Variants in NXN observed in about 807,000 individuals in gnomAD.
NXN encodes nucleoredoxin 1.
A neutral mutation model predicts 48.6 loss-of-function variants in NXN; 16 were observed. The ratio of observed to expected loss-of-function variants is 0.33; its 90% confidence interval spans 0.22 to 0.50. The LOEUF is 0.50. NXN is among the 20% of genes least tolerant of loss of function. NXN has a pLI of 0.98. For synonymous variants in NXN, 281 were observed against 269.6 expected, an observed-to-expected ratio of 1.04 and a Z score of -0.41; for missense variants, 492 against 605.5, an observed-to-expected ratio of 0.81 and a Z score of 1.97.
intron 1 of NXN, among the ~76,000 whole-genome samples, chr17:856,922 T>C (rs2067992216): frequency 6.6e-6 from 1 of 152,278 alleles, no homozygotes; most frequent in Admixed American, 6.5e-5. Context: ...CAGGGCAACG[T>C]AGGCCTTTTC....
In NXN at chr17:979,242, G is replaced by A. The variant is rs577440774; in HGVS notation, c.360+77C>T. The A allele has an allele frequency of 7.1e-3, 7,466 of 1,057,330 alleles. 44 individuals carry two copies. The highest frequency in any genetic ancestry group is 8.1e-3 in the Non-Finnish European group (6,806 of 836,184). 65.5% of individuals were successfully genotyped at this position (1,057,330 alleles called of 1,614,324 possible). On this transcript the variant is annotated intron_variant, in intron 1 of 7. Transcript: ENST00000336868. ...GACAACGGGGTTGGCGGAGGGCAGG[G>A]GTAACGGGCGTGGGGGGCGGGCAGG...
At chr17:835,767 A>G (rs113683749) in intron 1 of NXN, among the ~76,000 whole-genome samples, 2,695 of 55,586 alleles carry the variant, frequency 0.048, 195 homozygotes, top group East Asian at 0.19. Flanking sequence ...CAGAGGCCGC[A>G]GGGGAAAAAC....
intron 1 of NXN, among the ~76,000 whole-genome samples, chr17:950,961 A>G (rs919099875): frequency 6.6e-6 from 1 of 152,064 alleles, no homozygotes; most frequent in East Asian, 1.9e-4. Flanking sequence ...CTGGAAGTCT[A>G]ACTAGTACAA....
rs2068730684 is a variant in NXN at position 920,095 on chromosome 17, T to C, written c.360+59224A>G. On this transcript the variant is annotated intron_variant, in intron 1 of 7. Coordinates refer to ENST00000336868, the MANE Select transcript of NXN (RefSeq NM_022463.5). The surrounding 1 kb of genome is among the most constrained non-coding windows in gnomAD (Gnocchi z 4.6). ...TTGTATTTTTGGTGGAGACAAGGTT[T>C]CGCCATGTTGCCCAGGCTGGTCTTG... Among the ~76,000 whole-genome samples the C allele has an allele frequency of 6.6e-6, 1 of 152,104 alleles. No individual in the cohort carries two copies. The highest frequency in any genetic ancestry group is 1.5e-5 in the Non-Finnish European group (1 of 68,016).
intron 2 of NXN, among the ~76,000 whole-genome samples, 173 bp from the exon 3 acceptor site, chr17:823,938 G>A (rs915712486): frequency 1.3e-5 from 2 of 151,934 alleles, no homozygotes; most frequent in Admixed American, 6.6e-5. Context: ...CACCTACAGC[G>A]TCTGCAGCTA....
At chr17:847,133 C>T (rs1447247319) in intron 1 of NXN, among the ~76,000 whole-genome samples, 3 of 152,050 alleles carry the variant, frequency 2.0e-5, no homozygotes, top group African/African-American at 4.8e-5. Flanking sequence ...TTTGTCATCT[C>T]GGCACCGTCC....
At chr17:853,321 G>A (rs535045868) in intron 1 of NXN, among the ~76,000 whole-genome samples, 3 of 152,072 alleles carry the variant, frequency 2.0e-5, no homozygotes, top group Admixed American at 6.5e-5. Flanking sequence ...GTGCACGCAC[G>A]CCTGTAGTCC....
chr17:947,516 T>A (rs1476410371), intron 1 of NXN, among the ~76,000 whole-genome samples: 1 of 151,894 alleles, frequency 6.6e-6, no homozygotes, highest in African/African-American at 2.4e-5. Context: ...GCGGATCACT[T>A]GAGGCCAGGA....
intron 2 of NXN, among the ~76,000 whole-genome samples, chr17:824,287 TC>T (rs1912980170): frequency 6.6e-6 from 1 of 152,188 alleles, no homozygotes; most frequent in East Asian, 1.9e-4. Context: ...GACCTCGTGA[TC>T]CACCCGCCTC....
chr17:812,170 G>C (rs11869832), intron 5 of NXN, among the ~76,000 whole-genome samples: 3,504 of 151,126 alleles, frequency 0.023, 125 homozygotes, highest in African/African-American at 0.077. Flanking sequence ...CTCGTGATCC[G>C]CCCGCCTCGG....
intron 1 of NXN, among the ~76,000 whole-genome samples, chr17:904,416 T>G (rs617555): frequency 0.77 from 117,805 of 152,008 alleles, 45,782 homozygotes; most frequent in East Asian, 0.87. Context: ...CCTTTCCCAG[T>G]GGCCTCTTTT....
chr17:871,529 C>T (rs1337027225), intron 1 of NXN, among the ~76,000 whole-genome samples: 3 of 151,446 alleles, frequency 2.0e-5, no homozygotes, highest in Non-Finnish European at 2.9e-5. Flanking sequence ...CTCAGCCTCC[C>T]GAGTAGCTGG....
chr17:805,871 C>A (rs933920745), intron 5 of NXN, among the ~76,000 whole-genome samples: 1 of 152,010 alleles, frequency 6.6e-6, no homozygotes, highest in Non-Finnish European at 1.5e-5. Flanking sequence ...GAACTTAGCA[C>A]AGGGTCATGG....
chr17:932,960 T>C lies in NXN; in HGVS notation c.360+46359A>G, dbSNP rs958905506. 6.6e-6 allele frequency among the ~76,000 whole-genome samples: 1 copy of C among 152,206 alleles called. No homozygotes were observed. Among genetic ancestry groups the C allele is most frequent in the Non-Finnish European group, 1.5e-5 (1 of 68,026 alleles). ...ACCGCGCCCAGCCCAGCCCGTCCTC[T>C]TGAACCTGCTCAGTTTCAGTCGTCA... is the stretch of plus-strand genomic sequence containing the variant. On this transcript the variant is annotated intron_variant, in intron 1 of 7. Transcript: ENST00000336868. The surrounding 1 kb of genome is among the most constrained non-coding windows in gnomAD (Gnocchi z 4.1).
intron 1 of NXN, among the ~76,000 whole-genome samples, chr17:962,171 G>A (rs1256801247): frequency 6.6e-6 from 1 of 152,056 alleles, no homozygotes; most frequent in African/African-American, 2.4e-5. Flanking sequence ...AGGAAAACGG[G>A]GGAGAGTTGT....
At chr17:887,104 T>C (rs2068356925) in intron 1 of NXN, among the ~76,000 whole-genome samples, 1 of 151,370 alleles carries the variant, frequency 6.6e-6, no homozygotes, top group Admixed American at 6.6e-5. Context: ...TCTGTAGAGA[T>C]GGGGGTCTCA....
At position 955,703 on chromosome 17, in the gene NXN, T is replaced by C. The variant is rs568538327; in HGVS notation, c.360+23616A>G. ...CAAGGTCAGGAGATTGAGACCATCC[T>C]GGCTAACACGGTGAAACCCTGTCTC... On this transcript the variant is annotated intron_variant, in intron 1 of 7. Transcript: ENST00000336868. 8.0e-5 allele frequency among the ~76,000 whole-genome samples: 12 copies of C among 150,624 alleles called. No homozygotes were observed. In the East Asian group the frequency reaches 1.8e-3, roughly 23 times the overall value.
intron 1 of NXN, among the ~76,000 whole-genome samples, chr17:843,619 A>AT (rs2067825941): frequency 1.3e-5 from 2 of 152,208 alleles, no homozygotes; most frequent in Non-Finnish European, 1.5e-5. Flanking sequence ...GGGAGTGAGG[A>AT]GCCAGCGTCG....
At chr17:819,729 C>G (rs1809941149) in intron 4 of NXN, among the ~76,000 whole-genome samples, 184 bp from the exon 5 acceptor site, 1 of 152,170 alleles carries the variant, frequency 6.6e-6, no homozygotes, top group African/African-American at 2.4e-5. Context: ...CACCAAGAAG[C>G]AAATGCCTCC....
Sources: allele counts gnomAD v4.1 joint callset (sites outside exome capture counted in the v4.1 genomes callset), GRCh38; gene constraint gnomAD v4.1.1; non-coding constraint Gnocchi (gnomAD v3.1); transcripts MANE v1.5; gene names NCBI Gene and HGNC (gene_info 2026-07-23, HGNC 2026-07-21).